The following PCDHA1 variants were observed in gnomAD, a reference collection of about 807,000 sequenced individuals.
The protein encoded by PCDHA1 is protocadherin alpha-1.
A neutral mutation model predicts 61.3 loss-of-function variants in PCDHA1; 42 were observed. The ratio of observed to expected loss-of-function variants is 0.69; its 90% CI spans 0.54 to 0.89. The LOEUF (loss-of-function observed/expected upper bound fraction) is 0.89, where lower values mean the gene tolerates loss of function less well. Among genes scored for constraint, PCDHA1 ranks in the 40% least tolerant of loss-of-function variants. The pLI is 0.00. For synonymous variants in PCDHA1, 610 were observed against 553.8 expected, an observed-to-expected ratio of 1.10 and a Z score of -1.43; for missense variants, 1,256 against 1,235.3, an observed-to-expected ratio of 1.02 and a Z score of -0.25.
chr5:140,795,664 G>T (rs536063756), intron 1 of PCDHA1: 4 of 1,614,126 alleles, frequency 2.5e-6, no homozygotes, highest in Non-Finnish European at 3.4e-6. Flanking sequence ...TAAGGTATTA[G>T]ATGTAAATGA....
chr5:140,969,051 A>T (rs908108421), intron 1 of PCDHA1: 3 of 1,614,062 alleles, frequency 1.9e-6, no homozygotes, highest in Non-Finnish European at 1.7e-6. Context: ...CAAGCCAACA[A>T]CAATATTGAT....
intron 1 of PCDHA1, chr5:140,870,649 G>T (rs533111347): frequency 1.2e-6 from 2 of 1,612,592 alleles, no homozygotes; most frequent in Non-Finnish European, 1.7e-6. Flanking sequence ...GAGCGGCAAG[G>T]TGTACGCGCT....
chr5:140,870,566 T>C (rs1554164425), intron 1 of PCDHA1: 7 of 1,613,980 alleles, frequency 4.3e-6, no homozygotes, highest in Admixed American at 3.3e-5. Flanking sequence ...GAGAACGCGC[T>C]GGTGTCCTAC....
chr5:140,851,389 T>C, intron 1 of PCDHA1: 1 of 974,212 alleles, frequency 1.0e-6, no homozygotes, highest in Non-Finnish European at 1.2e-6. Flanking sequence ...ACCTTCAGTA[T>C]CTATTATTTT....
At chr5:140,982,658 C>G (rs530615346) in intron 3 of PCDHA1, 95 bp downstream of exon 3, 2 of 1,487,730 alleles carry the variant, frequency 1.3e-6, no homozygotes, top group East Asian at 4.9e-5. Context: ...GGCTCTTTTT[C>G]TTTTATATTT....
chr5:140,974,255 C>T (rs1049283311), intron 1 of PCDHA1, among the ~76,000 whole-genome samples: 1 of 152,186 alleles, frequency 6.6e-6, no homozygotes, highest in African/African-American at 2.4e-5. Flanking sequence ...CCATCAGTTC[C>T]TTTCTGGCCT....
chr5:140,878,351 A>C (rs2057557275), intron 1 of PCDHA1, among the ~76,000 whole-genome samples: 1 of 152,248 alleles, frequency 6.6e-6, no homozygotes, highest in South Asian at 2.1e-4. Flanking sequence ...ACAATAATAT[A>C]AATGATATGT....
intron 1 of PCDHA1, chr5:140,926,694 G>T: frequency 4.0e-6 from 3 of 746,722 alleles, no homozygotes; most frequent in Non-Finnish European, 5.8e-6. Flanking sequence ...TAGCAAGCCC[G>T]GCTCCCAGCT....
At chr5:140,795,336 G>A (rs782518595) in intron 1 of PCDHA1, 4 of 1,614,222 alleles carry the variant, frequency 2.5e-6, no homozygotes, top group Non-Finnish European at 8.5e-7. Context: ...TGGAGGTGAA[G>A]GACATTAACG....
At chr5:140,932,039 CAT>C (rs2087970987) in intron 1 of PCDHA1, among the ~76,000 whole-genome samples, 1 of 151,816 alleles carries the variant, frequency 6.6e-6, no homozygotes, top group South Asian at 2.1e-4. Context: ...TATATATTAA[CAT>C]AGCCTGTAAT....
At position 140,927,110 on chromosome 5, in the gene PCDHA1, G is replaced by T; in HGVS notation, c.2395-51839G>T. The T allele has an allele frequency of 3.7e-6, 6 of 1,613,752 alleles. No individual in the cohort carries two copies. The Middle Eastern group carries it at 8.3e-4, about 222-fold the overall frequency. On this transcript the variant is annotated intron_variant, in intron 1 of 3. Transcript: ENST00000504120. ...TACTTCGGGGTGGATCTACCCAGCG[G>T]CAATTTGGTGGTCAGAGAGCCGGCG...
rs2150127627 is a variant in PCDHA1 at position 140,823,632 on chromosome 5, C to T, written c.2394+34948C>T. On this transcript the variant is annotated intron_variant, in intron 1 of 3. Coordinates refer to ENST00000504120, the MANE Select transcript of PCDHA1 (RefSeq NM_018900.4). Reference sequence around the variant, plus strand: ...AGCCAGCGCCTGGCAGTGCGCGCATCCCGTTCCGCGTGGGGCTGTACACAG... The same window carrying T: ...AGCCAGCGCCTGGCAGTGCGCGCATTCCGTTCCGCGTGGGGCTGTACACAG... The T allele has an allele frequency of 2.4e-5, 39 of 1,614,058 alleles. No homozygotes were observed. The South Asian group carries it at 4.1e-4, about 17-fold the overall frequency.
intron 1 of PCDHA1, chr5:140,802,778 G>C: frequency 6.2e-7 from 1 of 1,613,190 alleles, no homozygotes; most frequent in Non-Finnish European, 8.5e-7. Flanking sequence ...ACCACGAGGA[G>C]CTAGAGCTGC....
At chr5:140,833,431 G>A (rs1035450581) in intron 1 of PCDHA1, among the ~76,000 whole-genome samples, 12 of 152,150 alleles carry the variant, frequency 7.9e-5, no homozygotes, top group African/African-American at 2.9e-4. Context: ...AGATGGCTGA[G>A]CACTGAAATT....
chr5:140,969,066 G>A (rs2096292938), intron 1 of PCDHA1: 2 of 1,614,144 alleles, frequency 1.2e-6, no homozygotes, highest in Admixed American at 3.3e-5. Context: ...ATTGATGCCA[G>A]GATACCGCAT....
chr5:140,838,352 G>A (rs908927118), intron 1 of PCDHA1, among the ~76,000 whole-genome samples: 1 of 150,310 alleles, frequency 6.7e-6, no homozygotes, highest in African/African-American at 2.5e-5. Flanking sequence ...TCGAAATCTG[G>A]GACTCAAGTG....
At chr5:140,858,285 G>C in intron 1 of PCDHA1, 1 of 1,597,520 alleles carries the variant, frequency 6.3e-7, no homozygotes, top group Non-Finnish European at 8.6e-7. Context: ...GTGGGGAGCT[G>C]GTCTTACTCG....
intron 1 of PCDHA1, among the ~76,000 whole-genome samples, chr5:140,924,902 A>AAAAAAAT (rs1554202311): frequency 2.8e-4 from 11 of 39,026 alleles, no homozygotes; most frequent in Non-Finnish European, 5.7e-4. Context: ...CTCAAAAAAA[A>AAAAAAAT]AAATAAAATA....
chr5:140,939,894 T>G (rs1554213013), intron 1 of PCDHA1, among the ~76,000 whole-genome samples: 2 of 152,220 alleles, frequency 1.3e-5, no homozygotes, highest in Non-Finnish European at 2.9e-5. Context: ...TGTTCAAATA[T>G]TCTGCATTCT....
Sources: allele counts gnomAD v4.1 joint callset (sites outside exome capture counted in the v4.1 genomes callset), GRCh38; gene constraint gnomAD v4.1.1; transcripts MANE v1.5; gene names NCBI Gene and HGNC (gene_info 2026-07-23, HGNC 2026-07-21).